Variants in PRAG1 observed in about 807,000 individuals in gnomAD.
The protein encoded by PRAG1 is PEAK1 related, kinase-activating pseudokinase 1.
PRAG1 carries 110 observed loss-of-function variants against 95.6 expected under a neutral mutation model. The observed-to-expected ratio is 1.15, with a 90% CI of 0.99 to 1.35. PRAG1 has a LOEUF of 1.35. Among genes scored for constraint, PRAG1 ranks in the 40% most tolerant of loss-of-function variants. The pLI is 0.00. For synonymous variants in PRAG1, 1,052 were observed against 819.4 expected, an observed-to-expected ratio of 1.28 and a Z score of -4.85; for missense variants, 2,554 against 1,864.7, an observed-to-expected ratio of 1.37 and a Z score of -6.81.
At chr8:8,349,286 T>TTATG (rs1799443250) in intron 3 of PRAG1, among the ~76,000 whole-genome samples, 1 of 151,614 alleles carries the variant, frequency 6.6e-6, no homozygotes, top group Non-Finnish European at 1.5e-5. Flanking sequence ...ATTTATTTAT[T>TTATG]TATTTATTTT....
chr8:8,371,870 G>GA (rs1421846056), intron 3 of PRAG1, among the ~76,000 whole-genome samples: 1 of 152,014 alleles, frequency 6.6e-6, no homozygotes, highest in Non-Finnish European at 1.5e-5. Flanking sequence ...GTCTCAAAAC[G>GA]AAACACACAA....
chr8:8,377,693 T>C lies in PRAG1; in HGVS notation c.716A>G (p.Asp239Gly), dbSNP rs978196499. ...RESLPSEDDSDQRCSPSGDSE... is the reference protein window; with the variant it reads ...RESLPSEDDSGQRCSPSGDSE... ...GTCCCCGGAGGGCGAGCACCTTTGA[T>C]CACTGTCATCCTCCGAGGGCAGGGA... The change falls in exon 3 of 6, where the codon GAT becomes GGT. Residue 239 changes from aspartate (D) to glycine (G), a missense_variant. Coordinates refer to ENST00000615670, the MANE Select transcript of PRAG1 (RefSeq NM_001080826.3). The C allele has an allele frequency of 6.2e-7, 1 of 1,613,814 alleles. No homozygotes were observed. Among genetic ancestry groups the C allele is most frequent in the Non-Finnish European group, 8.5e-7 (1 of 1,179,960 alleles).
In PRAG1 at chr8:8,319,233, G is replaced by A. The variant is rs762590402; in HGVS notation, c.3142C>T (p.Gln1048Ter). Residue 1048 changes from glutamine to a stop codon, truncating the protein, a stop_gained, in exon 6 of 6, where the codon CAG (glutamine) becomes TAG (stop). Transcript: ENST00000615670. LOFTEE classifies it high-confidence loss of function. ...GCGACGAAGTGGCCGCAGTCCTGCT[G>A]GATGTTAAAGTGCACGGGCACGGAC... ...SPSVPVHFNI[Q>*]QDCGHFVASV... 3 of 1,565,504 alleles carry A rather than the reference G, an allele frequency of 1.9e-6. No individual in the cohort carries two copies. Among genetic ancestry groups the A allele is most frequent in the Non-Finnish European group, 2.6e-6 (3 of 1,150,520 alleles).
At chr8:8,362,491 C>T (rs564778865) in intron 3 of PRAG1, among the ~76,000 whole-genome samples, 3 of 152,290 alleles carry the variant, frequency 2.0e-5, no homozygotes, top group South Asian at 4.1e-4. Flanking sequence ...TTCATTACAA[C>T]AGGTGAGTTC....
At position 8,377,636 on chromosome 8, in the gene PRAG1, T is replaced by G; in HGVS notation, c.773A>C (p.Asp258Ala). 6.2e-7 allele frequency: 1 copy of G among 1,613,570 alleles called. No individual in the cohort carries two copies. Among genetic ancestry groups the G allele is most frequent in the Non-Finnish European group, 8.5e-7 (1 of 1,180,006 alleles). Residue 258 changes from aspartate (D) to alanine (A), a missense_variant, in exon 3 of 6, where the codon GAC (aspartate) becomes GCC (alanine). Transcript: ENST00000615670. ...GGCAACAGGGCTCCCAGGGCAGCAGTCCAGGATGGAGCAGTACTCTCCACC... is the reference window on the plus strand; with the variant it reads ...GGCAACAGGGCTCCCAGGGCAGCAGGCCAGGATGGAGCAGTACTCTCCACC... ...SEGGEYCSILDCCPGSPVAKA... is the reference protein window; with the variant it reads ...SEGGEYCSILACCPGSPVAKA...
intron 4 of PRAG1, among the ~76,000 whole-genome samples, chr8:8,332,745 G>C (rs897283502): frequency 2.7e-5 from 4 of 149,740 alleles, no homozygotes; most frequent in African/African-American, 1.0e-4. Flanking sequence ...AGATGAAATT[G>C]GTTTCTCCAC....
Position 8,318,355 on chromosome 8 carries a change from C to A in PRAG1, c.4020G>T (p.Pro1340=). The A allele has an allele frequency of 5.0e-6, 8 of 1,613,896 alleles. No homozygotes were observed. The highest frequency in any genetic ancestry group is 6.8e-6 in the Non-Finnish European group (8 of 1,179,854). The part of the protein sequence containing the change: ...WGPRRELVQQ[P]GTSEEALCGT... The stretch of plus-strand genomic sequence containing the variant: ...CGCACAGCGCCTCCTCCGAGGTGCC[C>A]GGCTGCTGCACCAGCTCGCGCCGAG... The change falls in exon 6 of 6, where the codon CCG becomes CCT. Residue 1340 remains proline, a synonymous_variant. Coordinates refer to ENST00000615670, the MANE Select transcript of PRAG1 (RefSeq NM_001080826.3). This position sits in a 1 kb window ranked among gnomAD's most constrained non-coding sequence, Gnocchi z 4.2.
chr8:8,319,138 GT>G lies in PRAG1; in HGVS notation c.3236del (p.His1079ProfsTer58), dbSNP rs764170048. ...PKDPVPALPT[H>X]PPAQEQDCVV... ...CGCAGTCCTGCTCCTGGGCAGGGGG[GT>G]GTGTGGGCAGGGCAGGCACAGGGTC... On this transcript the variant is annotated frameshift_variant, in exon 6 of 6. Coordinates refer to ENST00000615670, the MANE Select transcript of PRAG1 (RefSeq NM_001080826.3). LOFTEE classifies it high-confidence loss of function. The G allele has an allele frequency of 2.5e-6, 4 of 1,605,660 alleles. No individual in the cohort carries two copies. The highest frequency in any genetic ancestry group is 3.4e-6 in the Non-Finnish European group (4 of 1,176,702).
intron 3 of PRAG1, among the ~76,000 whole-genome samples, chr8:8,360,964 G>C (rs1799826531): frequency 6.6e-6 from 1 of 152,140 alleles, no homozygotes; most frequent in African/African-American, 2.4e-5. Flanking sequence ...AATTGCCATA[G>C]CGGCTCTGTG....
intron 2 of PRAG1, among the ~76,000 whole-genome samples, chr8:8,379,905 C>A (rs1250035923): frequency 6.6e-6 from 1 of 152,176 alleles, no homozygotes; most frequent in Non-Finnish European, 1.5e-5. Flanking sequence ...AACAGGAGTA[C>A]TGGCTGGGTA....
In PRAG1 at chr8:8,336,918, C is replaced by T. The variant is rs1257811087; in HGVS notation, c.2320+2560G>A. 5.5e-5 allele frequency among the ~76,000 whole-genome samples: 8 copies of T among 146,442 alleles called. 1 individual carries two copies. Among genetic ancestry groups the T allele is most frequent in the South Asian group, 4.6e-4 (2 of 4,338 alleles). ...CTCCCCACACCCCTTTCCCCCCTCC[C>T]CCCACCTCCGACATAAAGCATGAAT... On this transcript the variant is annotated intron_variant, in intron 4 of 5. Coordinates refer to ENST00000615670, the MANE Select transcript of PRAG1 (RefSeq NM_001080826.3).
chr8:8,333,784 AC>A (rs1188525584), intron 4 of PRAG1, among the ~76,000 whole-genome samples: 1 of 152,132 alleles, frequency 6.6e-6, no homozygotes, highest in Non-Finnish European at 1.5e-5. Context: ...GTCTCCCCAA[AC>A]GTTTAGCTTT....
At chr8:8,372,052 T>C (rs1420751623) in intron 3 of PRAG1, among the ~76,000 whole-genome samples, 1 of 152,232 alleles carries the variant, frequency 6.6e-6, no homozygotes, top group Non-Finnish European at 1.5e-5. Context: ...GGTTTCTTGG[T>C]GAAACGCTTA....
chr8:8,360,225 A>AT (rs1255523302), intron 3 of PRAG1, among the ~76,000 whole-genome samples: 1 of 152,150 alleles, frequency 6.6e-6, no homozygotes, highest in African/African-American at 2.4e-5. Context: ...AATTCAGGAC[A>AT]TTCGTTCTTA....
At chr8:8,379,041 C>G (rs1217168980) in intron 2 of PRAG1, among the ~76,000 whole-genome samples, 2 of 151,144 alleles carry the variant, frequency 1.3e-5, no homozygotes, top group South Asian at 2.1e-4. Context: ...GGGGTGGCTT[C>G]TGAACCGGAT....
intron 3 of PRAG1, among the ~76,000 whole-genome samples, chr8:8,348,524 C>T (rs1003697969): frequency 6.6e-6 from 1 of 152,076 alleles, no homozygotes; most frequent in African/African-American, 2.4e-5. Context: ...ACTGCTATTT[C>T]CCCTCCTAAA....
At chr8:8,375,531 G>T (rs930894311) in intron 3 of PRAG1, among the ~76,000 whole-genome samples, 9 of 151,944 alleles carry the variant, frequency 5.9e-5, no homozygotes, top group African/African-American at 1.7e-4. Flanking sequence ...CACATCTGAG[G>T]GTTCCTAACC....
intron 3 of PRAG1, among the ~76,000 whole-genome samples, chr8:8,351,674 G>C (rs1277236636): frequency 6.6e-6 from 1 of 152,184 alleles, no homozygotes; most frequent in Admixed American, 6.5e-5. Context: ...AGATCCAGGA[G>C]GTGACATATT....
chr8:8,377,158 G>C lies in PRAG1; in HGVS notation c.1251C>G (p.Thr417=), dbSNP rs1021029366. 4 of 1,611,888 alleles carry C rather than the reference G, an allele frequency of 2.5e-6. No homozygotes were observed. The highest frequency in any genetic ancestry group is 1.3e-5 in the African/African-American group (1 of 74,940). The change falls in exon 3 of 6, where the codon ACC becomes ACG. Residue 417 remains threonine, a synonymous_variant. Transcript: ENST00000615670. ...GCACCGGAGCTGCCTTCTTCCTCTT[G>C]GTGCTCTCAGCATAGATGGGTTCAG... The part of the protein sequence containing the change: ...TQPEPIYAES[T]KRKKAAPVPS...
Sources: gnomAD v4.1 joint callset for allele counts (sites outside exome capture counted in the v4.1 genomes callset) on GRCh38, gnomAD v4.1.1 for gene constraint, Gnocchi (gnomAD v3.1) non-coding constraint, MANE v1.5 for transcripts, NCBI Gene and HGNC (gene_info 2026-07-23, HGNC 2026-07-21) for gene names.